Variants in MED6 observed in about 807,000 individuals in gnomAD.
MED6 encodes the protein mediator complex subunit 6.
A neutral mutation model predicts 37.5 loss-of-function variants in MED6; 33 were observed. The ratio of observed to expected loss-of-function variants is 0.88; its 90% CI spans 0.67 to 1.18. The LOEUF (loss-of-function observed/expected upper bound fraction) is 1.18, where lower values mean the gene tolerates loss of function less well. Among genes scored for constraint, MED6 ranks in the 50% most tolerant of loss-of-function variants. The pLI is 0.00. For missense variants in MED6, 235 were observed against 290.6 expected (o/e 0.81, Z 1.39); for synonymous variants, 94 against 93.6 (o/e 1.00, Z -0.02).
rs561897245 is a variant in MED6 at position 70,584,366 on chromosome 14, T to C, written c.*447A>G. 24 of 479,772 alleles carry C rather than the reference T, an allele frequency of 5.0e-5. No homozygotes were observed. The highest frequency in any genetic ancestry group is 4.5e-4 in the African/African-American group (23 of 50,612). 29.7% of individuals were successfully genotyped at this position (479,772 alleles called of 1,614,324 possible). On this transcript the variant is annotated 3_prime_UTR_variant, in exon 8 of 8. Transcript: ENST00000256379. ...AACAAATATTCACAAGAAATCATGA[T>C]GGGAATAATATCTTTTCTTCTTTTT...
At chr14:70,587,949 G>A (rs1295300105) in intron 6 of MED6, among the ~76,000 whole-genome samples, 1 of 152,206 alleles carries the variant, frequency 6.6e-6, no homozygotes, top group African/African-American at 2.4e-5. Context: ...ATATTCTCCT[G>A]AACATCCCCT....
At chr14:70,596,877 CATATAG>C (rs1209424533) in intron 2 of MED6, 175 bp from the exon 3 acceptor site, 7 of 505,572 alleles carry the variant, frequency 1.4e-5, no homozygotes, top group Non-Finnish European at 2.1e-5. Context: ...AGACAGGTGG[CATATAG>C]ATAAAGTAAG....
intron 6 of MED6, among the ~76,000 whole-genome samples, chr14:70,589,397 A>G (rs1884807042): frequency 6.6e-6 from 1 of 152,166 alleles, no homozygotes. Context: ...CTAAAACACA[A>G]AACTGACTAC....
intron 6 of MED6, 38 bp from the exon 7 acceptor site, chr14:70,585,821 G>A: frequency 6.3e-7 from 1 of 1,575,532 alleles, no homozygotes; most frequent in East Asian, 2.3e-5. Flanking sequence ...AGAGGAAGAG[G>A]AAAAAGAAGA....
chr14:70,595,687 T>G, intron 3 of MED6: 1 of 894,036 alleles, frequency 1.1e-6, no homozygotes. Flanking sequence ...CGCCGCCTGC[T>G]GGAAGACAGC....
intron 6 of MED6, among the ~76,000 whole-genome samples, chr14:70,590,564 A>C (rs1191647288): frequency 6.6e-6 from 1 of 152,214 alleles, no homozygotes; most frequent in Non-Finnish European, 1.5e-5. Flanking sequence ...TCCCTTAAAG[A>C]GCTCCTAACA....
intron 6 of MED6, among the ~76,000 whole-genome samples, chr14:70,590,124 T>C (rs367993179): frequency 1.3e-5 from 2 of 152,186 alleles, no homozygotes; most frequent in South Asian, 4.1e-4. Context: ...CACAACTCAA[T>C]CTGGGCTAGC....
intron 5 of MED6, chr14:70,591,684 C>T (rs895908242): frequency 1.9e-5 from 4 of 213,440 alleles, no homozygotes; most frequent in Non-Finnish European, 3.7e-5. Flanking sequence ...TTCATAATTA[C>T]CTAAATCACA....
chr14:70,593,519 A>G (rs1884947893), intron 3 of MED6, 141 bp from the exon 4 acceptor site: 1 of 621,860 alleles, frequency 1.6e-6, no homozygotes, highest in African/African-American at 1.9e-5. Context: ...CTGTACTAGA[A>G]AACAGCCACA....
chr14:70,589,692 G>A (rs1458332890), intron 6 of MED6, among the ~76,000 whole-genome samples: 3 of 152,112 alleles, frequency 2.0e-5, no homozygotes, highest in Non-Finnish European at 4.4e-5. Flanking sequence ...AGAAACATAG[G>A]CCTCCAGGAT....
chr14:70,600,557 A>G (rs1055315221), intron 1 of MED6, 59 bp downstream of exon 1: 15 of 1,597,610 alleles, frequency 9.4e-6, no homozygotes, highest in Admixed American at 3.4e-5. Context: ...ACCGCGAGCT[A>G]TAACATCCCA....
chr14:70,589,070 C>G (rs1265645374), intron 6 of MED6, among the ~76,000 whole-genome samples: 2 of 152,108 alleles, frequency 1.3e-5, no homozygotes, highest in Admixed American at 1.3e-4. Flanking sequence ...ACCGAATGTT[C>G]TTTAGGTCGG....
chr14:70,600,583 A>G, intron 1 of MED6, 33 bp downstream of exon 1: 1 of 1,613,136 alleles, frequency 6.2e-7, no homozygotes, highest in Non-Finnish European at 8.5e-7. Flanking sequence ...GTCCACAGAC[A>G]ATCAAGAGAC....
chr14:70,590,720 T>C (rs933500366), intron 6 of MED6, among the ~76,000 whole-genome samples: 3 of 152,192 alleles, frequency 2.0e-5, no homozygotes, highest in Non-Finnish European at 4.4e-5. Flanking sequence ...GATTTGCTAT[T>C]GCTGTTAGAA....
chr14:70,584,800 T>C lies in MED6; in HGVS notation c.*13A>G. Reference sequence around the variant, plus strand: ...GCATGAGGAGTCTTCCAGGCTTCTCTTTTGTCCAGTACTCACTGAAGTCTC... The same window carrying C: ...GCATGAGGAGTCTTCCAGGCTTCTCCTTTGTCCAGTACTCACTGAAGTCTC... On this transcript the variant is annotated 3_prime_UTR_variant, in exon 8 of 8. Transcript: ENST00000256379. The C allele has an allele frequency of 6.2e-7, 1 of 1,610,898 alleles. No individual in the cohort carries two copies. Among genetic ancestry groups the C allele is most frequent in the Non-Finnish European group, 8.5e-7 (1 of 1,179,094 alleles).
chr14:70,600,473 TCAC>T, intron 1 of MED6, 140 bp downstream of exon 1: 1 of 737,412 alleles, frequency 1.4e-6, no homozygotes, highest in African/African-American at 1.9e-5. Context: ...TTTCGCTAGA[TCAC>T]AGCCTTGGGT....
At chr14:70,589,007 A>G (rs927733254) in intron 6 of MED6, among the ~76,000 whole-genome samples, 1 of 152,134 alleles carries the variant, frequency 6.6e-6, no homozygotes, top group African/African-American at 2.4e-5. Flanking sequence ...GGGCGGGGAA[A>G]AAAAAGTTGT....
At chr14:70,588,688 A>AAATAATAATAATAATAAT (rs77093432) in intron 6 of MED6, among the ~76,000 whole-genome samples, 1 of 134,638 alleles carries the variant, frequency 7.4e-6, no homozygotes. Flanking sequence ...TCCGTCTCAA[A>AAATAATAATAATAATAAT]AATAATAATA....
chr14:70,585,700 T>A lies in MED6; in HGVS notation c.610+56A>T, dbSNP rs1357422518. On this transcript the variant is annotated intron_variant, in intron 7 of 7. Transcript: ENST00000256379. ...TTTCACATGCTATACTTGTGATTGA[T>A]TTACAAGCTGTTTGACCTTATTTCA... is the stretch of plus-strand genomic sequence containing the variant. The A allele has an allele frequency of 2.7e-6, 4 of 1,478,572 alleles. No homozygotes were observed. The East Asian group carries it at 9.5e-5, about 35-fold the overall frequency. 91.6% of individuals were successfully genotyped at this position (1,478,572 alleles called of 1,614,324 possible).
Sources: gnomAD v4.1 joint callset for allele counts (sites outside exome capture counted in the v4.1 genomes callset) on GRCh38, gnomAD v4.1.1 for gene constraint, MANE v1.5 for transcripts, NCBI Gene and HGNC (gene_info 2026-07-23, HGNC 2026-07-21) for gene names.